Variants in DNTTIP2 observed in about 807,000 individuals in gnomAD.
DNTTIP2 encodes deoxynucleotidyltransferase terminal interacting protein 2.
A neutral mutation model predicts 62.4 loss-of-function variants in DNTTIP2; 47 were observed. The observed-to-expected ratio is 0.75, with a 90% confidence interval of 0.60 to 0.96. The LOEUF is 0.96. Ranked by LOEUF, DNTTIP2 falls within the 40% of genes least tolerant of loss-of-function variation. The pLI, the probability that DNTTIP2 is intolerant of heterozygous loss-of-function variation, is 0.00. For missense variants in DNTTIP2, 870 were observed against 849.1 expected, an observed-to-expected ratio of 1.02 and a Z score of -0.31; for synonymous variants, 322 against 300.9, an observed-to-expected ratio of 1.07 and a Z score of -0.73.
At chr1:93,873,388 T>G (rs1319774766) in intron 3 of DNTTIP2, 174 bp from the exon 4 acceptor site, 1 of 519,612 alleles carries the variant, frequency 1.9e-6, no homozygotes, top group Non-Finnish European at 3.4e-6. Flanking sequence ...GGCCAGGAGT[T>G]TTAGACCACC....
intron 3 of DNTTIP2, among the ~76,000 whole-genome samples, chr1:93,873,820 G>A (rs927479770): frequency 2.0e-5 from 3 of 152,078 alleles, no homozygotes; most frequent in African/African-American, 4.8e-5. Context: ...TTTCCTAAAT[G>A]ATTTCTGTAC....
chr1:93,869,876 C>T lies in DNTTIP2; in HGVS notation c.2246G>A (p.Arg749Gln), dbSNP rs74988751. ...KAANAAGKKFRKKKKFRN is the reference protein window; with the variant it reads ...KAANAAGKKFQKKKKFRN ...TTAATTGCGAAATTTCTTCTTCTTT[C>T]GGAACTTTTTTCCTGCTGCATTTGC... The change falls in exon 7 of 7, where the codon CGA becomes CAA. Residue 749 changes from arginine (R) to glutamine (Q), a missense_variant. By Grantham distance (43) the Arg-to-Gln change is conservative (BLOSUM62 1). Coordinates refer to ENST00000436063, the MANE Select transcript of DNTTIP2 (RefSeq NM_014597.5). 1.6e-3 allele frequency: 1,284 copies of T among 780,240 alleles called. 22 individuals carry two copies. In the East Asian group the frequency reaches 0.028, roughly 17 times the overall value. 48.3% of individuals were successfully genotyped at this position (780,240 alleles called of 1,614,324 possible).
Position 93,879,181 on chromosome 1 carries a change from C to T in DNTTIP2, c.-33G>A, listed in dbSNP as rs754579041. On this transcript the variant is annotated 5_prime_UTR_variant, in exon 1 of 7. Coordinates refer to ENST00000436063, the MANE Select transcript of DNTTIP2 (RefSeq NM_014597.5). ...GCTCCCTCGCGACCACCACGACTTCCCTCTTCCCTGGCGCTCCGGAAATGC... is the reference window on the plus strand; with the variant it reads ...GCTCCCTCGCGACCACCACGACTTCTCTCTTCCCTGGCGCTCCGGAAATGC... The T allele has an allele frequency of 6.8e-6, 11 of 1,607,778 alleles. No individual in the cohort carries two copies. Among genetic ancestry groups the T allele is most frequent in the Middle Eastern group, 1.7e-4 (1 of 6,048 alleles).
intron 3 of DNTTIP2, among the ~76,000 whole-genome samples, chr1:93,875,039 G>A (rs1655964304): frequency 1.3e-5 from 2 of 152,216 alleles, no homozygotes; most frequent in South Asian, 4.1e-4. Flanking sequence ...ACAAGAAGAG[G>A]ATTCCTGGTT....
chr1:93,879,008 T>TGCGCC, intron 1 of DNTTIP2, 69 bp downstream of exon 1: 2 of 1,585,886 alleles, frequency 1.3e-6, no homozygotes, highest in Non-Finnish European at 1.7e-6. Flanking sequence ...ACCGGACCCT[T>TGCGCC]GCGCCGCCCC....
chr1:93,867,859 A>G lies in DNTTIP2; in HGVS notation c.*1992T>C, dbSNP rs1289159731. ...AGAGAACAGACATAGATGCTTCCCTAACTCCAACTATGAATGTTATTGTCA... is the reference window on the plus strand; with the variant it reads ...AGAGAACAGACATAGATGCTTCCCTGACTCCAACTATGAATGTTATTGTCA... On this transcript the variant is annotated 3_prime_UTR_variant, in exon 7 of 7. Coordinates refer to ENST00000436063, the MANE Select transcript of DNTTIP2 (RefSeq NM_014597.5). 2 of 151,948 alleles carry G rather than the reference A, an allele frequency of 1.3e-5. No homozygotes were observed. The highest frequency in any genetic ancestry group is 2.9e-5 in the Non-Finnish European group (2 of 68,020). 9.4% of individuals were successfully genotyped at this position (151,948 alleles called of 1,614,324 possible).
At position 93,869,221 on chromosome 1, in the gene DNTTIP2, T is replaced by C. The variant is rs1463366670; in HGVS notation, c.*630A>G. 1.3e-5 allele frequency: 2 copies of C among 152,112 alleles called. No individual in the cohort carries two copies. The highest frequency in any genetic ancestry group is 2.9e-5 in the Non-Finnish European group (2 of 68,026). 9.4% of individuals were successfully genotyped at this position (152,112 alleles called of 1,614,324 possible). On this transcript the variant is annotated 3_prime_UTR_variant, in exon 7 of 7. Transcript: ENST00000436063. ...AACCCTGGCCAACTTAAATTATAGT[T>C]TAATCCTGTTTTACTTGGACCACAA...
At chr1:93,870,591 A>T (rs1444445436) in intron 6 of DNTTIP2, 92 bp downstream of exon 6, 1 of 618,486 alleles carries the variant, frequency 1.6e-6, no homozygotes. Context: ...GTTATTATAA[A>T]TGAGTTATTT....
chr1:93,873,141 T>C lies in DNTTIP2; in HGVS notation c.1880A>G (p.Tyr627Cys). Reference protein sequence around the residue: ...HCVPPYSESKYQLQKKRRKER... With the variant: ...HCVPPYSESKCQLQKKRRKER... ...TACTCTGCGTTTTTTCTGAAGTTGA[T>C]ACTTTGATTCACTATATGGTGGAAC... Residue 627 changes from tyrosine to cysteine, a missense_variant, in exon 4 of 7, where the codon TAT becomes TGT. By Grantham distance (194) the Tyr-to-Cys change is radical. Transcript: ENST00000436063. 1.2e-6 allele frequency: 2 copies of C among 1,612,170 alleles called. No homozygotes were observed. The highest frequency in any genetic ancestry group is 1.7e-6 in the Non-Finnish European group (2 of 1,178,928).
Position 93,878,918 on chromosome 1 carries a change from T to G in DNTTIP2, c.72+159A>C, listed in dbSNP as rs574831428. The G allele has an allele frequency of 7.8e-5, 70 of 896,162 alleles. 1 individual carries two copies. The East Asian group carries it at 1.8e-3, about 23-fold the overall frequency. 55.5% of individuals were successfully genotyped at this position (896,162 alleles called of 1,614,324 possible). A position where few individuals can be genotyped will look rare whatever the true frequency, so the allele number is the denominator to read the frequency against. ...AGTGGTGAAGGCTAAACAGTTTCCG[T>G]GACAGGCTTAGCACGGGGCCTGGGA... On this transcript the variant is annotated intron_variant, in intron 1 of 6. Transcript: ENST00000436063.
rs772298688 is a variant in DNTTIP2, at chr1:93,877,313, T to C, written c.622A>G (p.Arg208Gly). The stretch of plus-strand genomic sequence containing the variant: ...TTTTCAGTTTGTGCCTTTAATTTCC[T>C]CTGCATACTCCTGGTTCTTCTAGTT... ...IATRRTRSMQ[R>G]KLKAQTEKKD... Residue 208 changes from arginine (R) to glycine (G), a missense_variant, in exon 2 of 7, where the codon AGG becomes GGG. Transcript: ENST00000436063. 1.1e-5 allele frequency: 17 copies of C among 1,613,626 alleles called. 1 individual carries two copies. In the South Asian group the frequency reaches 1.8e-4, roughly 17 times the overall value.
rs1454519028 is a variant in DNTTIP2, at chr1:93,877,399, T to A, written c.536A>T (p.His179Leu). 2 of 1,612,650 alleles carry A rather than the reference T, an allele frequency of 1.2e-6. No homozygotes were observed. The highest frequency in any genetic ancestry group is 1.3e-5 in the African/African-American group (1 of 74,926). The change falls in exon 2 of 7, where the codon CAT becomes CTT. Residue 179 changes from histidine (H) to leucine (L), a missense_variant. By Grantham distance (99) the His-to-Leu change is moderately conservative. Coordinates refer to ENST00000436063, the MANE Select transcript of DNTTIP2 (RefSeq NM_014597.5). ...KSLTDPSQES[H>L]TEAISDAETS... ...CTCAGCATCAGATATAGCTTCTGTA[T>A]GAGATTCTTGGCTTGGATCTGTCAG...
At position 93,870,758 on chromosome 1, in the gene DNTTIP2, T is replaced by C. The variant is rs1301395946; in HGVS notation, c.2102A>G (p.Tyr701Cys). Residue 701 changes from tyrosine to cysteine, a missense_variant, in exon 6 of 7, where the codon TAC becomes TGC. Coordinates refer to ENST00000436063, the MANE Select transcript of DNTTIP2 (RefSeq NM_014597.5). Reference protein sequence around the residue: ...GTIVDNPADFYHSRIPKKQRK... With the variant: ...GTIVDNPADFCHSRIPKKQRK... ...TTGCTTCTTGGGAATTCGTGAATGGTAGAAATCAGCTGGATTGTCAACAAT... is the reference window on the plus strand; with the variant it reads ...TTGCTTCTTGGGAATTCGTGAATGGCAGAAATCAGCTGGATTGTCAACAAT... 6.4e-7 allele frequency: 1 copy of C among 1,568,290 alleles called. No individual in the cohort carries two copies. Among genetic ancestry groups the C allele is most frequent in the South Asian group, 1.2e-5 (1 of 84,210 alleles).
intron 5 of DNTTIP2, among the ~76,000 whole-genome samples, chr1:93,871,183 G>GTGA (rs1655852278): frequency 6.6e-6 from 1 of 152,174 alleles, no homozygotes; most frequent in Non-Finnish European, 1.5e-5. Context: ...GGCCTACTTA[G>GTGA]TGATCATTCT....
rs188401596 is a variant in DNTTIP2 at position 93,871,975 on chromosome 1, A to C, written c.2067+97T>G. On this transcript the variant is annotated intron_variant, in intron 5 of 6. Coordinates refer to ENST00000436063, the MANE Select transcript of DNTTIP2 (RefSeq NM_014597.5). ...TCCATACATTAGGCATGCACAATGG[A>C]AATATCCTCTATTTTAGGAGTAAAC... The C allele has an allele frequency of 2.3e-4, 312 of 1,368,162 alleles. 2 individuals are homozygous for C. In the African/African-American group the frequency reaches 4.3e-3, roughly 19 times the overall value. 84.8% of individuals were successfully genotyped at this position (1,368,162 alleles called of 1,614,324 possible). A position where few individuals can be genotyped will look rare whatever the true frequency, so the allele number is the denominator to read the frequency against.
At chr1:93,873,982 A>C (rs1655935624) in intron 3 of DNTTIP2, among the ~76,000 whole-genome samples, 1 of 152,224 alleles carries the variant, frequency 6.6e-6, no homozygotes, top group Non-Finnish European at 1.5e-5. Context: ...ACAAGCATTA[A>C]TTTGGGACTG....
chr1:93,877,647 C>T lies in DNTTIP2; in HGVS notation c.288G>A (p.Val96=). 6.2e-7 allele frequency: 1 copy of T among 1,613,980 alleles called. No homozygotes were observed. The highest frequency in any genetic ancestry group is 8.5e-7 in the Non-Finnish European group (1 of 1,179,896). The change falls in exon 2 of 7, where the codon GTG becomes GTA. Residue 96 remains valine (V), a synonymous_variant. Coordinates refer to ENST00000436063, the MANE Select transcript of DNTTIP2 (RefSeq NM_014597.5). ...TTAAAATGGTATCATGGTGCTCAGA[C>T]ACAGAATAATTTGACTCTGCCTCAG... The part of the protein sequence containing the change: ...ETSEAESNYS[V]SEHHDTILRV...
chr1:93,875,961 T>C (rs1655990609), intron 2 of DNTTIP2, among the ~76,000 whole-genome samples, 178 bp from the exon 3 acceptor site: 1 of 151,414 alleles, frequency 6.6e-6, no homozygotes, highest in South Asian at 2.1e-4. Flanking sequence ...AATATATTTT[T>C]CATCATTTTA....
chr1:93,876,676 A>G lies in DNTTIP2; in HGVS notation c.1259T>C (p.Phe420Ser). Residue 420 changes from phenylalanine to serine, a missense_variant, in exon 2 of 7, where the codon TTT becomes TCT. By Grantham distance (155) the Phe-to-Ser change is radical. Transcript: ENST00000436063. ...CGTGTATAGTTTGGTATCACATTCAAAATCTACATTCCCTTCACTGTTCAT... is the reference window on the plus strand; with the variant it reads ...CGTGTATAGTTTGGTATCACATTCAGAATCTACATTCCCTTCACTGTTCAT... ...EDMNSEGNVDFECDTKLYTSA... is the reference protein window; with the variant it reads ...EDMNSEGNVDSECDTKLYTSA... 6.2e-7 allele frequency: 1 copy of G among 1,614,024 alleles called. No homozygotes were observed. The highest frequency in any genetic ancestry group is 2.2e-5 in the East Asian group (1 of 44,870).
Sources: gnomAD v4.1 joint callset for allele counts (sites outside exome capture counted in the v4.1 genomes callset) on GRCh38, gnomAD v4.1.1 for gene constraint, MANE v1.5 for transcripts, NCBI Gene and HGNC (gene_info 2026-07-23, HGNC 2026-07-21) for gene names.